IQCM: variants seen among roughly 807,000 people sequenced by gnomAD.
The protein encoded by IQCM is IQ motif containing M, also known as IQ domain-containing protein M.
A neutral mutation model predicts 57.6 loss-of-function variants in IQCM; 45 were observed. The observed-to-expected ratio is 0.78, with a 90% CI of 0.62 to 1.00. The LOEUF is 1.00. Among genes scored for constraint, IQCM ranks in the 50% least tolerant of loss-of-function variants. The pLI, the probability that IQCM is intolerant of heterozygous loss-of-function variation, is 0.00. For missense variants in IQCM, 468 were observed against 511.6 expected (o/e 0.91, Z 0.82); for synonymous variants, 148 against 158.9 (o/e 0.93, Z 0.51).
intron 7 of IQCM, among the ~76,000 whole-genome samples, chr4:149,658,442 C>T (rs1759833927): frequency 6.6e-6 from 1 of 151,968 alleles, no homozygotes; most frequent in Non-Finnish European, 1.5e-5. Context: ...TGTGTAATGC[C>T]TCAAGCTTTG....
intron 12 of IQCM, among the ~76,000 whole-genome samples, chr4:149,529,067 A>AAC (rs1560954449): frequency 1.3e-5 from 2 of 151,184 alleles, no homozygotes; most frequent in African/African-American, 4.9e-5. Flanking sequence ...TGGGTAGGAA[A>AAC]ATATATATAT....
intron 7 of IQCM, among the ~76,000 whole-genome samples, chr4:149,662,680 A>G (rs1384922991): frequency 6.6e-6 from 1 of 151,716 alleles, no homozygotes; most frequent in Non-Finnish European, 1.5e-5. Context: ...TCTTTCTATA[A>G]TTTTTTAATT....
chr4:149,462,903 A>G (rs1322398206), intron 12 of IQCM, among the ~76,000 whole-genome samples: 1 of 152,212 alleles, frequency 6.6e-6, no homozygotes, highest in African/African-American at 2.4e-5. Context: ...TGATTAGGCA[A>G]TGAACAGCAC....
At chr4:149,424,785 T>C (rs764976111) in intron 13 of IQCM, among the ~76,000 whole-genome samples, 1 of 151,980 alleles carries the variant, frequency 6.6e-6, no homozygotes, top group Non-Finnish European at 1.5e-5. Flanking sequence ...TTGCATTGTT[T>C]CAACATTTCT....
chr4:149,768,906 T>C (rs1770302498), intron 2 of IQCM, among the ~76,000 whole-genome samples: 1 of 152,082 alleles, frequency 6.6e-6, no homozygotes, highest in African/African-American at 2.4e-5. Flanking sequence ...ATTGAATTCT[T>C]TGTGGCATAC....
intron 12 of IQCM, among the ~76,000 whole-genome samples, chr4:149,436,429 A>T (rs948428317): frequency 6.6e-6 from 1 of 152,098 alleles, no homozygotes; most frequent in Non-Finnish European, 1.5e-5. Flanking sequence ...TAACATAAAG[A>T]TAAATGTAAC....
intron 12 of IQCM, among the ~76,000 whole-genome samples, chr4:149,433,925 G>A (rs1735111384): frequency 6.6e-6 from 1 of 151,968 alleles, no homozygotes; most frequent in African/African-American, 2.4e-5. Flanking sequence ...TGACAAAAAT[G>A]TTGAGTAAAT....
chr4:149,571,616 G>A (rs1751169335), intron 9 of IQCM, among the ~76,000 whole-genome samples: 1 of 152,082 alleles, frequency 6.6e-6, no homozygotes, highest in South Asian at 2.1e-4. Flanking sequence ...CTTGAAAAAT[G>A]TTAAGAGCGT....
At chr4:149,599,486 GACAA>G (rs960044703) in intron 8 of IQCM, among the ~76,000 whole-genome samples, 34 of 152,052 alleles carry the variant, frequency 2.2e-4, no homozygotes, top group African/African-American at 6.7e-4. Flanking sequence ...GAAGGAAAAA[GACAA>G]ACAATGTTCT....
intron 7 of IQCM, among the ~76,000 whole-genome samples, chr4:149,678,020 C>A (rs1477943594): frequency 1.3e-5 from 2 of 151,582 alleles, no homozygotes; most frequent in Non-Finnish European, 2.9e-5. Context: ...AGAAAGATCA[C>A]CTAAAAGATA....
chr4:149,545,578 A>G (rs1295793638), intron 12 of IQCM, among the ~76,000 whole-genome samples: 1 of 152,182 alleles, frequency 6.6e-6, no homozygotes. Context: ...GAATCTTTGT[A>G]CATTGTTGGT....
chr4:149,569,562 G>T (rs1503699), intron 9 of IQCM, among the ~76,000 whole-genome samples: 22,091 of 152,116 alleles, frequency 0.15, 1,984 homozygotes, highest in South Asian at 0.33. Flanking sequence ...TTAGCAGGTA[G>T]TTTCTGCCCA....
chr4:149,478,981 ATT>A (rs57994831), intron 12 of IQCM, among the ~76,000 whole-genome samples: 147,718 of 152,102 alleles, frequency 0.97, 71,849 homozygotes, highest in East Asian at 1. Context: ...TTAACAAATC[ATT>A]TAATAAATAT....
chr4:149,380,327 C>T lies in IQCM; in HGVS notation c.1391-28261G>A, dbSNP rs1271162438. 2.0e-5 allele frequency among the ~76,000 whole-genome samples: 3 copies of T among 152,156 alleles called. No individual in the cohort carries two copies. The East Asian group carries it at 5.8e-4, about 29-fold the overall frequency. On this transcript the variant is annotated intron_variant, in intron 13 of 13. Transcript: ENST00000636793. The stretch of plus-strand genomic sequence containing the variant: ...TTTATTAAAAGTAACTCTATACACA[C>T]AAAGTCCCAAATCCAGATTGGCAGC...
At chr4:149,412,855 A>G (rs972354286) in intron 13 of IQCM, among the ~76,000 whole-genome samples, 36 of 152,326 alleles carry the variant, frequency 2.4e-4, no homozygotes, top group African/African-American at 8.7e-4. Flanking sequence ...TTTCTGTAAG[A>G]GGGAACATGT....
intron 5 of IQCM, among the ~76,000 whole-genome samples, chr4:149,699,191 G>C (rs919689289): frequency 2.6e-5 from 4 of 151,906 alleles, no homozygotes. Flanking sequence ...AAGTTATATT[G>C]TGCTTTATAT....
chr4:149,563,622 T>C (rs1163185558), intron 10 of IQCM, 70 bp downstream of exon 10: 5 of 1,049,260 alleles, frequency 4.8e-6, no homozygotes, highest in Non-Finnish European at 6.1e-6. Context: ...CAGATGACTA[T>C]TCAAAATTCT....
intron 13 of IQCM, among the ~76,000 whole-genome samples, chr4:149,428,317 A>G (rs903769630): frequency 1.3e-5 from 2 of 151,838 alleles, no homozygotes; most frequent in Non-Finnish European, 2.9e-5. Context: ...AAGCAGAACT[A>G]GTAGTAGCTA....
At chr4:149,475,581 A>G (rs900657336) in intron 12 of IQCM, among the ~76,000 whole-genome samples, 1 of 152,128 alleles carries the variant, frequency 6.6e-6, no homozygotes, top group African/African-American at 2.4e-5. Context: ...GGCAGTAGAA[A>G]TAGAGAAAGA....
Sources: allele counts gnomAD v4.1 joint callset (sites outside exome capture counted in the v4.1 genomes callset), GRCh38; gene constraint gnomAD v4.1.1; transcripts MANE v1.5; gene names NCBI Gene and HGNC (gene_info 2026-07-23, HGNC 2026-07-21).